The following TBC1D7 variants were observed in gnomAD, a reference collection of about 807,000 sequenced individuals.
TBC1D7 encodes TBC1 domain family member 7.
TBC1D7 carries 33 observed loss-of-function variants against 35.3 expected under a neutral mutation model. That is an observed-to-expected ratio of 0.93 (90% CI 0.71 to 1.25). TBC1D7 has a LOEUF of 1.25. TBC1D7 is among the 50% of genes most tolerant of loss of function. The pLI is 0.00. For synonymous variants in TBC1D7, 135 were observed against 129.5 expected, an observed-to-expected ratio of 1.04 and a Z score of -0.29; for missense variants, 362 against 365.3, an observed-to-expected ratio of 0.99 and a Z score of 0.07.
At chr6:13,325,761 A>G (rs963167621) in intron 2 of TBC1D7, among the ~76,000 whole-genome samples, 11 of 152,244 alleles carry the variant, frequency 7.2e-5, no homozygotes, top group African/African-American at 2.7e-4. Context: ...GTTATTAATC[A>G]CAGGGTTTAT....
At chr6:13,318,419 C>T (rs1783793048) in intron 4 of TBC1D7, among the ~76,000 whole-genome samples, 1 of 152,000 alleles carries the variant, frequency 6.6e-6, no homozygotes, top group African/African-American at 2.4e-5. Flanking sequence ...GAACCTATAC[C>T]CTGTCATCTC....
At chr6:13,316,012 A>G (rs1248971229) in intron 5 of TBC1D7, among the ~76,000 whole-genome samples, 1 of 151,874 alleles carries the variant, frequency 6.6e-6, no homozygotes, top group Non-Finnish European at 1.5e-5. Context: ...TGCCTAGAAC[A>G]CAGACGTCAT....
intron 4 of TBC1D7, 61 bp from the exon 5 acceptor site, chr6:13,316,769 T>C (rs1783659402): frequency 1.3e-6 from 2 of 1,572,912 alleles, no homozygotes; most frequent in African/African-American, 1.4e-5. Context: ...ACATATTTCT[T>C]TAATAAAAAA....
chr6:13,320,024 C>T (rs1783915937), intron 4 of TBC1D7: 1 of 152,232 alleles, frequency 6.6e-6, no homozygotes. Context: ...ACAGCATCAC[C>T]TACTTGGTAT....
chr6:13,312,274 G>A lies in TBC1D7; in HGVS notation c.519+4297C>T, dbSNP rs149484765. Among the ~76,000 whole-genome samples, 31 of 152,326 alleles carry A rather than the reference G, an allele frequency of 2.0e-4. 1 individual carries two copies. In the East Asian group the frequency reaches 6.0e-3, roughly 29 times the overall value. On this transcript the variant is annotated intron_variant, in intron 5 of 7. Transcript: ENST00000379300. The stretch of plus-strand genomic sequence containing the variant: ...GAACAGGAGGAGGAGTGATGTGTTG[G>A]TAGAAGTAGTGGTGTTGCAGGTAAG...
At chr6:13,313,392 G>A (rs1374912710) in intron 5 of TBC1D7, among the ~76,000 whole-genome samples, 7 of 152,196 alleles carry the variant, frequency 4.6e-5, no homozygotes, top group Admixed American at 4.6e-4. Flanking sequence ...CAATGGGGTG[G>A]AAAATGGGAA....
intron 5 of TBC1D7, among the ~76,000 whole-genome samples, chr6:13,312,255 G>C (rs1783271841): frequency 6.6e-6 from 1 of 152,206 alleles, no homozygotes; most frequent in African/African-American, 2.4e-5. Context: ...AGAGGAACAG[G>C]AGGAGGAGTG....
chr6:13,314,235 A>G (rs1783438820), intron 5 of TBC1D7, among the ~76,000 whole-genome samples: 2 of 151,846 alleles, frequency 1.3e-5, no homozygotes, highest in African/African-American at 4.8e-5. Flanking sequence ...GGAAAATCAT[A>G]TCATAGATGC....
intron 5 of TBC1D7, among the ~76,000 whole-genome samples, chr6:13,312,729 T>TA (rs1489798784): frequency 7.3e-6 from 1 of 136,230 alleles, no homozygotes; most frequent in African/African-American, 2.7e-5. Context: ...AACAAAAAAA[T>TA]ATATATTTTT....
At chr6:13,322,905 G>C (rs1051185127) in intron 3 of TBC1D7, among the ~76,000 whole-genome samples, 2 of 152,080 alleles carry the variant, frequency 1.3e-5, no homozygotes, top group African/African-American at 4.8e-5. Flanking sequence ...GTCTCTTTTT[G>C]ATATTTAACT....
chr6:13,326,463 A>C (rs747985082), intron 2 of TBC1D7, among the ~76,000 whole-genome samples: 3 of 124,872 alleles, frequency 2.4e-5, no homozygotes, highest in African/African-American at 6.9e-5. Flanking sequence ...ACTTGGTCTC[A>C]AAAAAAAAAA....
chr6:13,321,039 G>C lies in TBC1D7; in HGVS notation c.250C>G (p.Gln84Glu). The change falls in exon 4 of 8, where the codon CAG becomes GAG. Residue 84 changes from glutamine (Q) to glutamate (E), a missense_variant. Physicochemically the swap from Gln to Glu is conservative, Grantham distance 29. Coordinates refer to ENST00000379300, the MANE Select transcript of TBC1D7 (RefSeq NM_016495.6). Reference sequence around the variant, plus strand: ...AGGGCATGAAGGACATCCAAGTACTGCTCCTTACGATACATCATCACCTTG... The same window carrying C: ...AGGGCATGAAGGACATCCAAGTACTCCTCCTTACGATACATCATCACCTTG... ...HAKVMMYRKE[Q>E]YLDVLHALKV... 6.2e-7 allele frequency: 1 copy of C among 1,614,180 alleles called. No individual in the cohort carries two copies. Among genetic ancestry groups the C allele is most frequent in the Non-Finnish European group, 8.5e-7 (1 of 1,180,020 alleles).
In TBC1D7 at chr6:13,328,334, G is replaced by C. The variant is rs1346046873; in HGVS notation, c.-47C>G. On this transcript the variant is annotated 5_prime_UTR_variant, in exon 1 of 8. Transcript: ENST00000379300. ...AACACACCCGGGTTGAGACTAAGTG[G>C]TCCGGGAGAAGCAGAGGAAGCCGTG... 6.6e-6 allele frequency: 1 copy of C among 152,632 alleles called. No individual in the cohort carries two copies. Among genetic ancestry groups the C allele is most frequent in the East Asian group, 1.9e-4 (1 of 5,196 alleles). The allele number at this position is 152,632 out of a possible 1,614,324, so 9.5% of individuals were successfully genotyped here.
At chr6:13,319,302 A>C (rs547965899) in intron 4 of TBC1D7, 1 of 152,264 alleles carries the variant, frequency 6.6e-6, no homozygotes, top group East Asian at 1.9e-4. Context: ...TTTACTAAAA[A>C]TACAAAAATT....
Position 13,306,403 on chromosome 6 carries a change from C to T in TBC1D7, c.790G>A (p.Glu264Lys), listed in dbSNP as rs1484559191. The T allele has an allele frequency of 5.7e-6, 9 of 1,582,426 alleles. No homozygotes were observed. The highest frequency in any genetic ancestry group is 1.4e-5 in the African/African-American group (1 of 72,920). ...NSAEKITKFLENIPQDSSDAI... is the reference protein window; with the variant it reads ...NSAEKITKFLKNIPQDSSDAI... ...TCAAATCAAAGCACACTTACATTTT[C>T]CAGAAACTTTGTTATCTTCTCTGCA... The change falls in exon 7 of 8, where the codon GAA becomes AAA. Residue 264 changes from glutamate to lysine, a missense_variant. Physicochemically the swap from Glu to Lys is moderately conservative, Grantham distance 56. Coordinates refer to ENST00000379300, the MANE Select transcript of TBC1D7 (RefSeq NM_016495.6).
At chr6:13,324,121 TG>T (rs1434044563) in intron 3 of TBC1D7, among the ~76,000 whole-genome samples, 1 of 148,042 alleles carries the variant, frequency 6.8e-6, no homozygotes, top group Non-Finnish European at 1.5e-5. Flanking sequence ...AGTTTTTTTT[TG>T]TTTGTTTTTT....
Position 13,321,508 on chromosome 6 carries a change from T to C in TBC1D7, c.194-413A>G, listed in dbSNP as rs76311043. Among the ~76,000 whole-genome samples the C allele has an allele frequency of 3.9e-4, 59 of 152,316 alleles. No homozygotes were observed. In the East Asian group the frequency reaches 0.011, roughly 28 times the overall value. On this transcript the variant is annotated intron_variant, in intron 3 of 7. Transcript: ENST00000379300. ...ACATCTCAGAACCACCAACAGCCCA[T>C]TGAATTCTTCTCTTCCCCAACAGTT...
chr6:13,312,508 C>T (rs1307537467), intron 5 of TBC1D7, among the ~76,000 whole-genome samples: 3 of 151,768 alleles, frequency 2.0e-5, no homozygotes, highest in Non-Finnish European at 2.9e-5. Context: ...GCCAAAATGG[C>T]GAAATCCCGT....
In TBC1D7 at chr6:13,321,081, G is replaced by A. The variant is rs752054073; in HGVS notation, c.208C>T (p.His70Tyr). The A allele has an allele frequency of 6.8e-6, 11 of 1,612,676 alleles. No homozygotes were observed. The highest frequency in any genetic ancestry group is 1.1e-5 in the South Asian group (1 of 90,970). ...WKVLLGILPPHHESHAKVMMY... is the reference protein window; with the variant it reads ...WKVLLGILPPYHESHAKVMMY... ...ATCACCTTGGCATGGGACTCGTGGT[G>A]TGGAGGCAAGATTCCTAGAGAGAAC... Residue 70 changes from histidine (H) to tyrosine (Y), a missense_variant, in exon 4 of 8, where the codon CAC becomes TAC. Physicochemically the swap from His to Tyr is moderately conservative, Grantham distance 83. Coordinates refer to ENST00000379300, the MANE Select transcript of TBC1D7 (RefSeq NM_016495.6).
Sources: gnomAD v4.1 joint callset for allele counts (sites outside exome capture counted in the v4.1 genomes callset) on GRCh38, gnomAD v4.1.1 for gene constraint, MANE v1.5 for transcripts, NCBI Gene and HGNC (gene_info 2026-07-23, HGNC 2026-07-21) for gene names.